Variants in NME7 observed in about 807,000 individuals in gnomAD.
NME7 encodes the protein NME/NM23 family member 7, also known as nucleoside diphosphate kinase 7.
A neutral mutation model predicts 49.1 loss-of-function variants in NME7; 41 were observed. The ratio of observed to expected loss-of-function variants is 0.83; its 90% CI spans 0.65 to 1.08. The LOEUF (loss-of-function observed/expected upper bound fraction) is 1.08. Among genes scored for constraint, NME7 ranks in the 50% least tolerant of loss-of-function variants. NME7 has a pLI of 0.00. For missense variants in NME7, 423 were observed against 463.4 expected, an observed-to-expected ratio of 0.91 and a Z score of 0.80; for synonymous variants, 139 against 150.6, an observed-to-expected ratio of 0.92 and a Z score of 0.56.
In NME7 at chr1:169,351,343, G is replaced by A. The variant is rs542127910; in HGVS notation, c.3+16365C>T. ...CAATGAAGAAATTAAAAAGAAAATT[G>A]CAAATTTTCTTGATACAAACGATAA... On this transcript the variant is annotated intron_variant, in intron 1 of 11. Coordinates refer to ENST00000367811, the MANE Select transcript of NME7 (RefSeq NM_013330.5). Among the ~76,000 whole-genome samples, 4 of 151,750 alleles carry A rather than the reference G, an allele frequency of 2.6e-5. No homozygotes were observed. The South Asian group carries it at 8.3e-4, about 32-fold the overall frequency.
intron 10 of NME7, among the ~76,000 whole-genome samples, chr1:169,174,631 T>C (rs974482751): frequency 2.0e-5 from 3 of 152,220 alleles, no homozygotes; most frequent in African/African-American, 2.4e-5. Context: ...TATAATTTGC[T>C]ACTAGGCTAT....
At chr1:169,171,308 A>T (rs1173303553) in intron 10 of NME7, among the ~76,000 whole-genome samples, 1 of 152,076 alleles carries the variant, frequency 6.6e-6, no homozygotes, top group Non-Finnish European at 1.5e-5. Flanking sequence ...TCGAGGCTGC[A>T]GTGAGCCAAA....
chr1:169,194,384 G>A (rs1660313925), intron 10 of NME7, among the ~76,000 whole-genome samples: 1 of 152,146 alleles, frequency 6.6e-6, no homozygotes, highest in Non-Finnish European at 1.5e-5. Flanking sequence ...GTCACAGATG[G>A]TAAAGTTCCA....
chr1:169,312,084 T>C (rs954227156), intron 3 of NME7, among the ~76,000 whole-genome samples: 2 of 152,184 alleles, frequency 1.3e-5, no homozygotes, highest in Non-Finnish European at 2.9e-5. Context: ...CATCCACATA[T>C]GTAGTGGCGT....
chr1:169,145,469 T>C (rs1378104935), intron 11 of NME7, among the ~76,000 whole-genome samples: 1 of 152,188 alleles, frequency 6.6e-6, no homozygotes, highest in Non-Finnish European at 1.5e-5. Context: ...AGGCCAGTTA[T>C]AGAAGCACAG....
chr1:169,363,660 T>C (rs17349579), intron 1 of NME7, among the ~76,000 whole-genome samples: 37,796 of 152,204 alleles, frequency 0.25, 5,752 homozygotes, highest in Non-Finnish European at 0.35. Context: ...TTTTATTACA[T>C]TGAACCATAA....
Position 169,267,961 on chromosome 1 carries a change from T to A in NME7, c.754+19342A>T, listed in dbSNP as rs1484860940. Among the ~76,000 whole-genome samples the A allele has an allele frequency of 3.0e-5, 4 of 133,132 alleles. 1 individual carries two copies. The highest frequency in any genetic ancestry group is 7.1e-5 in the Non-Finnish European group (4 of 56,584). The allele number at this position is 133,132 out of a possible 152,430, so 87.3% of individuals were successfully genotyped here. On this transcript the variant is annotated intron_variant, in intron 7 of 11. Coordinates refer to ENST00000367811, the MANE Select transcript of NME7 (RefSeq NM_013330.5). ...TAAATCAAAAATAAGCTAAAGAGCT[T>A]TTGCATAGCAAAAGAAACTATGAAC...
intron 10 of NME7, among the ~76,000 whole-genome samples, chr1:169,216,913 T>TA (rs1660987764): frequency 6.6e-6 from 1 of 152,196 alleles, no homozygotes; most frequent in South Asian, 2.1e-4. Flanking sequence ...AATAACAGAT[T>TA]TTTTTTGTTT....
rs552180569 is a variant in NME7, at chr1:169,241,796, T to A, written c.755-4109A>T. ...ATTCAAAGTACAATGTTAGTGCAAT[T>A]CAAAATTGTATACATAGGATAATTC... On this transcript the variant is annotated intron_variant, in intron 7 of 11. Transcript: ENST00000367811. Among the ~76,000 whole-genome samples the A allele has an allele frequency of 3.3e-5, 5 of 151,946 alleles. No individual in the cohort carries two copies. In the South Asian group the frequency reaches 1.0e-3, roughly 32 times the overall value.
At chr1:169,253,774 G>T (rs1035170721) in intron 7 of NME7, among the ~76,000 whole-genome samples, 3 of 151,790 alleles carry the variant, frequency 2.0e-5, no homozygotes, top group South Asian at 2.1e-4. Context: ...TAGCATAAAG[G>T]GTTGTTGAAT....
intron 6 of NME7, among the ~76,000 whole-genome samples, chr1:169,290,768 CT>C (rs1175250794): frequency 6.6e-6 from 1 of 152,154 alleles, no homozygotes; most frequent in Admixed American, 6.5e-5. Flanking sequence ...ATCTGTTCAT[CT>C]GACAAAGGGC....
At chr1:169,353,625 G>C (rs1249623397) in intron 1 of NME7, among the ~76,000 whole-genome samples, 1 of 151,732 alleles carries the variant, frequency 6.6e-6, no homozygotes, top group African/African-American at 2.4e-5. Context: ...CCACAGAATA[G>C]GACAAAATAT....
intron 1 of NME7, among the ~76,000 whole-genome samples, chr1:169,365,000 T>C (rs1478822048): frequency 6.6e-6 from 1 of 152,222 alleles, no homozygotes; most frequent in African/African-American, 2.4e-5. Flanking sequence ...CTCCTTTAGA[T>C]AACATCACTA....
intron 7 of NME7, among the ~76,000 whole-genome samples, chr1:169,281,944 A>T (rs530018816): frequency 3.3e-5 from 5 of 152,166 alleles, no homozygotes; most frequent in South Asian, 2.1e-4. Context: ...TTTTGGTATC[A>T]GGATGATGCT....
chr1:169,140,877 G>C (rs909215239), intron 11 of NME7, among the ~76,000 whole-genome samples: 1 of 152,136 alleles, frequency 6.6e-6, no homozygotes, highest in African/African-American at 2.4e-5. Flanking sequence ...CCACCCTGGA[G>C]AGTCTGATTC....
rs1482888661 is a variant in NME7 at position 169,351,104 on chromosome 1, C to A, written c.3+16604G>T. Among the ~76,000 whole-genome samples, 3 of 152,058 alleles carry A rather than the reference C, an allele frequency of 2.0e-5. No homozygotes were observed. In the East Asian group the frequency reaches 5.8e-4, roughly 29 times the overall value. On this transcript the variant is annotated intron_variant, in intron 1 of 11. Transcript: ENST00000367811. ...CACAACCACACACACACATGCCCTA[C>A]AACTGGAATAAAATTCTCAAAAACA...
intron 6 of NME7, among the ~76,000 whole-genome samples, chr1:169,295,317 C>T (rs1156787597): frequency 2.6e-5 from 4 of 151,944 alleles, no homozygotes; most frequent in African/African-American, 4.8e-5. Context: ...TATTTATGCT[C>T]AAATTTATTA....
intron 7 of NME7, among the ~76,000 whole-genome samples, chr1:169,239,991 A>G (rs1180073065): frequency 6.6e-6 from 1 of 152,006 alleles, no homozygotes. Context: ...TTTTGGTCAC[A>G]TAGACCCTTT....
At chr1:169,161,709 A>G (rs1659250162) in intron 11 of NME7, among the ~76,000 whole-genome samples, 1 of 152,206 alleles carries the variant, frequency 6.6e-6, no homozygotes, top group Non-Finnish European at 1.5e-5. Context: ...AACTTAGTCT[A>G]TAGTTTAACC....
Sources: gnomAD v4.1 joint callset for allele counts (sites outside exome capture counted in the v4.1 genomes callset) on GRCh38, gnomAD v4.1.1 for gene constraint, MANE v1.5 for transcripts, NCBI Gene and HGNC (gene_info 2026-07-23, HGNC 2026-07-21) for gene names.